Variants in NEBL observed in about 807,000 individuals in gnomAD.
NEBL encodes nebulette, also known as LIM and SH3 protein 2.
In NEBL, 122 loss-of-function variants were observed where a neutral mutation model predicts 140.2. The observed-to-expected ratio is 0.87, with a 90% CI of 0.75 to 1.01. NEBL has a LOEUF of 1.01. Ranked by LOEUF, NEBL falls within the 50% of genes least tolerant of loss-of-function variation. NEBL has a pLI of 0.00. For missense variants in NEBL, 1,365 were observed against 1,231.3 expected, an observed-to-expected ratio of 1.11 and a Z score of -1.62; for synonymous variants, 436 against 398.9, an observed-to-expected ratio of 1.09 and a Z score of -1.11.
At chr10:20,940,024 A>G (rs1834762804) in intron 4 of NEBL, among the ~76,000 whole-genome samples, 1 of 150,556 alleles carries the variant, frequency 6.6e-6, no homozygotes, top group African/African-American at 2.4e-5. Flanking sequence ...TAGACAGATC[A>G]ACGAGACAGA....
intron 14 of NEBL, among the ~76,000 whole-genome samples, chr10:20,833,967 G>A (rs138728687): frequency 1.3e-5 from 2 of 152,234 alleles, no homozygotes; most frequent in East Asian, 3.9e-4. Flanking sequence ...TTTGGTTGGC[G>A]CCATTTGAAG....
chr10:20,811,674 T>C (rs1838159313), intron 24 of NEBL, among the ~76,000 whole-genome samples: 1 of 152,208 alleles, frequency 6.6e-6, no homozygotes, highest in Non-Finnish European at 1.5e-5. Context: ...GTAAAGACAT[T>C]ACCCTGTCAA....
chr10:21,105,583 T>C (rs1485925255), intron 2 of NEBL, among the ~76,000 whole-genome samples: 1 of 152,198 alleles, frequency 6.6e-6, no homozygotes, highest in Non-Finnish European at 1.5e-5. Context: ...ATCCAGTCTA[T>C]CATTGATGGA....
At chr10:20,790,627 CA>C (rs893168379) in intron 26 of NEBL, among the ~76,000 whole-genome samples, 7 of 147,628 alleles carry the variant, frequency 4.7e-5, no homozygotes, top group Non-Finnish European at 1.5e-5. Flanking sequence ...AACAAACAAA[CA>C]AAAAAACAAA....
At chr10:21,085,363 T>C (rs550441353) in intron 2 of NEBL, among the ~76,000 whole-genome samples, 1 of 152,186 alleles carries the variant, frequency 6.6e-6, no homozygotes, top group Non-Finnish European at 1.5e-5. Context: ...GGCTCGTGCC[T>C]GGAATCCCAG....
At chr10:21,015,277 T>G (rs1379769723) in intron 3 of NEBL, among the ~76,000 whole-genome samples, 2 of 152,180 alleles carry the variant, frequency 1.3e-5, no homozygotes, top group African/African-American at 4.8e-5. Flanking sequence ...CCCGCTCCCC[T>G]GCTTCAATCA....
At chr10:20,844,456 GA>G (rs149153606) in intron 12 of NEBL, among the ~76,000 whole-genome samples, 191 of 149,314 alleles carry the variant, frequency 1.3e-3, no homozygotes, top group African/African-American at 4.5e-3. Context: ...TTAATATAAA[GA>G]GTATATAAGC....
upstream of NEBL, among the ~76,000 whole-genome samples, chr10:20,898,359 C>T (rs772481206): frequency 2.7e-4 from 41 of 151,766 alleles, no homozygotes; most frequent in Non-Finnish European, 4.9e-4. Flanking sequence ...ATACAAAATA[C>T]AAATTTATTA....
intron 2 of NEBL, among the ~76,000 whole-genome samples, chr10:21,074,441 G>T (rs1420198164): frequency 6.6e-6 from 1 of 151,454 alleles, no homozygotes; most frequent in Non-Finnish European, 1.5e-5. Flanking sequence ...TACATCTCTT[G>T]TAAAATGCTG....
chr10:20,976,444 G>T (rs1467962301), intron 3 of NEBL, among the ~76,000 whole-genome samples: 1 of 151,544 alleles, frequency 6.6e-6, no homozygotes, highest in Non-Finnish European at 1.5e-5. Flanking sequence ...AACATAAATT[G>T]TTCCACCAAA....
rs377399053 is a variant in NEBL, at chr10:20,924,841, G to A, written c.357+36831C>T. 5.3e-5 allele frequency among the ~76,000 whole-genome samples: 8 copies of A among 152,044 alleles called. No individual in the cohort carries two copies. In the East Asian group the frequency reaches 5.8e-4, roughly 11 times the overall value. ...AGAAAAGCTTAGTTAACCATAATCC[G>A]GCTGGCGCTATAAAACTGCAGGAGT... On this transcript the variant is annotated intron_variant, in intron 4 of 6. Coordinates refer to the NEBL transcript ENST00000417816.
chr10:21,109,118 T>C (rs1837854720), intron 2 of NEBL, among the ~76,000 whole-genome samples: 3 of 152,194 alleles, frequency 2.0e-5, no homozygotes, highest in Admixed American at 2.0e-4. Flanking sequence ...CCATTCAGTA[T>C]GATATTGGCT....
At chr10:21,030,377 G>A (rs1833730418) in intron 2 of NEBL, 2 of 611,542 alleles carry the variant, frequency 3.3e-6, no homozygotes, top group Admixed American at 2.0e-5. Context: ...CCAGGATGCA[G>A]GAAGGAGAGA....
intron 2 of NEBL, among the ~76,000 whole-genome samples, chr10:21,154,054 C>A (rs959677105): frequency 7.9e-5 from 12 of 152,182 alleles, no homozygotes; most frequent in African/African-American, 2.4e-4. Flanking sequence ...TCCTAAAAAT[C>A]AGCTTAATCA....
intron 2 of NEBL, among the ~76,000 whole-genome samples, chr10:21,111,183 C>A (rs888142682): frequency 1.2e-4 from 18 of 152,120 alleles, no homozygotes; most frequent in African/African-American, 4.3e-4. Context: ...GTAATTTATA[C>A]ATTCAATGCT....
intron 21 of NEBL, 49 bp downstream of exon 21, chr10:20,817,550 TG>T: frequency 7.3e-7 from 1 of 1,367,484 alleles, no homozygotes; most frequent in Non-Finnish European, 1.0e-6. Context: ...CATTCACACG[TG>T]GACAATGCAT....
At chr10:21,230,604 C>CT (rs1157514424) in intron 3 of NEBL, among the ~76,000 whole-genome samples, 3,603 of 125,464 alleles carry the variant, frequency 0.029, 68 homozygotes, top group African/African-American at 0.056. Context: ...AACTGGAAAC[C>CT]TTTTTTTTTT....
chr10:20,902,215 A>C (rs957359092), upstream of NEBL, among the ~76,000 whole-genome samples: 3 of 152,022 alleles, frequency 2.0e-5, no homozygotes, highest in Non-Finnish European at 4.4e-5. Context: ...CATCCTGGCT[A>C]ACACTGTGAA....
intron 26 of NEBL, 130 bp downstream of exon 26, chr10:20,808,380 A>T (rs1588651810): frequency 1.0e-6 from 1 of 988,088 alleles, no homozygotes; most frequent in East Asian, 2.6e-5. Flanking sequence ...AACTTTCTGA[A>T]CTTAATTTTA....
Sources: gnomAD v4.1 joint callset for allele counts (sites outside exome capture counted in the v4.1 genomes callset) on GRCh38, gnomAD v4.1.1 for gene constraint, MANE v1.5 for transcripts, NCBI Gene and HGNC (gene_info 2026-07-23, HGNC 2026-07-21) for gene names.